RAB9B: variants seen among roughly 807,000 people sequenced by gnomAD.
RAB9B encodes the protein ras-related protein Rab-9B.
RAB9B carries 1 observed loss-of-function variant against 8.9 expected under a neutral mutation model. That is an observed-to-expected ratio of 0.11 (90% CI 0.04 to 0.53). The LOEUF is 0.53. Among genes scored for constraint, RAB9B ranks in the 20% least tolerant of loss-of-function variants. RAB9B has a pLI of 0.93. For synonymous variants in RAB9B, 63 were observed against 57.0 expected, an observed-to-expected ratio of 1.10 and a Z score of -0.47; for missense variants, 82 against 152.9, an observed-to-expected ratio of 0.54 and a Z score of 2.45.
chrX:103,795,696 C>G, the RAB9B span, among the ~76,000 whole-genome samples: 19 of 111,219 alleles, frequency 1.7e-4, no homozygotes, highest in Non-Finnish European at 2.1e-4. Flanking sequence ...CCCACATTAT[C>G]CAAAAAAAAG....
chrX:103,786,652 A>G, the RAB9B span: 1 of 1,211,231 alleles, frequency 8.3e-7, no homozygotes, highest in Non-Finnish European at 1.1e-6. Flanking sequence ...GAGGGGTTCC[A>G]GAGGCCAACA....
chrX:103,799,291 T>C, the RAB9B span, among the ~76,000 whole-genome samples: 1 of 103,585 alleles, frequency 9.7e-6, no homozygotes, highest in Admixed American at 1.1e-4. Flanking sequence ...ATTCTCTCTG[T>C]ATGGCATATT....
the RAB9B span, among the ~76,000 whole-genome samples, chrX:103,799,354 T>C: frequency 5.4e-5 from 6 of 111,489 alleles, no homozygotes; most frequent in African/African-American, 2.0e-4. Flanking sequence ...CATATTTCCT[T>C]GACAAATCAG....
At chrX:103,821,302 C>G (rs1272357019), downstream of RAB9B, among the ~76,000 whole-genome samples, 1 of 108,090 alleles carries the variant, frequency 9.3e-6, no homozygotes, top group Non-Finnish European at 1.9e-5. Flanking sequence ...GAAGCATGGT[C>G]TGATAATGTG....
downstream of RAB9B, among the ~76,000 whole-genome samples, chrX:103,820,558 C>A (rs900109456): frequency 1.8e-5 from 2 of 111,834 alleles, no homozygotes; most frequent in Non-Finnish European, 1.9e-5. Context: ...AAAAATGAGA[C>A]CGTACTGTTT....
the RAB9B span, chrX:103,776,932 G>T: frequency 6.3e-6 from 7 of 1,119,998 alleles, no homozygotes; most frequent in Non-Finnish European, 3.7e-6. Flanking sequence ...CCTTCCAGCT[G>T]AACAAAGTCA....
At chrX:103,793,580 T>C in the RAB9B span, among the ~76,000 whole-genome samples, 1 of 112,021 alleles carries the variant, frequency 8.9e-6, no homozygotes, top group Non-Finnish European at 1.9e-5. Context: ...AGCACCATAT[T>C]TTGGAGAATT....
the RAB9B span, among the ~76,000 whole-genome samples, chrX:103,799,822 T>C: frequency 1.8e-5 from 2 of 111,902 alleles, no homozygotes; most frequent in Non-Finnish European, 3.8e-5. Flanking sequence ...TCTATTGATG[T>C]CCACACAGAT....
the RAB9B span, among the ~76,000 whole-genome samples, chrX:103,783,599 A>G: frequency 8.9e-6 from 1 of 111,975 alleles, no homozygotes; most frequent in African/African-American, 3.3e-5. Context: ...CATGACAGAG[A>G]TAATTTGATC....
chrX:103,776,858 GA>G, the RAB9B span: 1 of 609,386 alleles, frequency 1.6e-6, no homozygotes, highest in African/African-American at 2.3e-5. Context: ...TGCAGGAGAA[GA>G]GGACAAAGAT....
the RAB9B span, among the ~76,000 whole-genome samples, chrX:103,796,460 C>T: frequency 9.0e-6 from 1 of 111,352 alleles, no homozygotes; most frequent in Non-Finnish European, 1.9e-5. Flanking sequence ...CAGAGGGAGA[C>T]CCTGTCTCAG....
the RAB9B span, chrX:103,789,099 G>T: frequency 2.3e-6 from 1 of 426,834 alleles, no homozygotes; most frequent in Non-Finnish European, 4.1e-6. Flanking sequence ...AATTATTTTG[G>T]AGTACTGTAC....
downstream of RAB9B, among the ~76,000 whole-genome samples, chrX:103,821,665 AAGGTCTGGACAATTC>A (rs2074661348): frequency 1.8e-5 from 2 of 111,995 alleles, no homozygotes; most frequent in Admixed American, 1.9e-4. Flanking sequence ...ATGTTTTCCT[AAGGTCTGGACAATTC>A]ACCAGTCAGG....
chrX:103,798,843 T>C, the RAB9B span, among the ~76,000 whole-genome samples: 8 of 108,614 alleles, frequency 7.4e-5, no homozygotes, highest in Non-Finnish European at 1.5e-4. Flanking sequence ...GGTTTCACCA[T>C]GTTGGCCAGG....
chrX:103,777,061 T>C, the RAB9B span: 1 of 1,054,579 alleles, frequency 9.5e-7, no homozygotes, highest in Non-Finnish European at 1.3e-6. Context: ...CAAGAGAATT[T>C]CCAACTTTGG....
chrX:103,807,750 G>T, the RAB9B span, among the ~76,000 whole-genome samples: 1 of 111,751 alleles, frequency 8.9e-6, no homozygotes, highest in Non-Finnish European at 1.9e-5. Context: ...CTGTGACAGG[G>T]AGTCCCCAAA....
At chrX:103,790,060 G>A in the RAB9B span, among the ~76,000 whole-genome samples, 1 of 111,885 alleles carries the variant, frequency 8.9e-6, no homozygotes, top group Non-Finnish European at 1.9e-5. Context: ...AGAACTCCTG[G>A]CCCCTACTGC....
chrX:103,785,974 C>CGCGG, the RAB9B span: 1 of 521,946 alleles, frequency 1.9e-6, no homozygotes, highest in Non-Finnish European at 3.1e-6. Flanking sequence ...GCCTGTCAGC[C>CGCGG]CCTCCCACCC....
the RAB9B span, among the ~76,000 whole-genome samples, chrX:103,779,258 C>T: frequency 5.3e-5 from 6 of 112,232 alleles, no homozygotes; most frequent in South Asian, 3.7e-4. Flanking sequence ...AGCCTGTTGT[C>T]GTCTGAGAAC....
Sources: gnomAD v4.1 joint callset for allele counts (sites outside exome capture counted in the v4.1 genomes callset) on GRCh38, gnomAD v4.1.1 for gene constraint, MANE v1.5 for transcripts, NCBI Gene and HGNC (gene_info 2026-07-23, HGNC 2026-07-21) for gene names.